GPHN: variants seen among roughly 807,000 people sequenced by gnomAD.
GPHN encodes gephyrin.
A neutral mutation model predicts 95.5 loss-of-function variants in GPHN; 17 were observed. The ratio of observed to expected loss-of-function variants is 0.18; its 90% CI spans 0.12 to 0.27. The LOEUF (loss-of-function observed/expected upper bound fraction) is 0.27, where lower values mean the gene tolerates loss of function less well. Ranked by LOEUF, GPHN falls within the 10% of genes least tolerant of loss-of-function variation. GPHN has a pLI of 1.00. For synonymous variants in GPHN, 320 were observed against 322.5 expected (o/e 0.99, Z 0.08); for missense variants, 660 against 978.1 (o/e 0.67, Z 4.34).
At chr14:67,110,353 T>C (rs1470590677) in intron 14 of GPHN, 94 bp downstream of exon 14, 1 of 1,393,486 alleles carries the variant, frequency 7.2e-7, no homozygotes, top group Non-Finnish European at 1.0e-6. Context: ...AACCCAGTTT[T>C]TTGGGTTGTT....
At chr14:66,944,187 G>A (rs776063159) in intron 8 of GPHN, among the ~76,000 whole-genome samples, 16 of 152,138 alleles carry the variant, frequency 1.1e-4, no homozygotes, top group Non-Finnish European at 1.6e-4. Flanking sequence ...CGACTTTAGC[G>A]ATGCCAAGTG....
intron 1 of GPHN, among the ~76,000 whole-genome samples, chr14:66,667,726 C>G (rs1262556603): frequency 7.9e-6 from 1 of 127,072 alleles, no homozygotes; most frequent in Non-Finnish European, 1.5e-5. Context: ...CAACTACATT[C>G]AGGACATTAG....
intron 1 of GPHN, among the ~76,000 whole-genome samples, chr14:66,608,127 C>T (rs1282503254): frequency 2.7e-5 from 4 of 150,572 alleles, no homozygotes; most frequent in South Asian, 4.2e-4. Flanking sequence ...CATTTGGCAC[C>T]GTAAACTTTC....
At chr14:67,649,234 T>A in the GPHN span, 1 of 152,118 alleles carries the variant, frequency 6.6e-6, no homozygotes, top group Non-Finnish European at 1.5e-5. Context: ...CAAAAGACAC[T>A]CATGGGGCTA....
chr14:67,348,837 G>A, the GPHN span: 2 of 537,504 alleles, frequency 3.7e-6, no homozygotes, highest in Middle Eastern at 4.9e-4. Context: ...GCCTTCTTAA[G>A]TGTTCACTTC....
At chr14:66,817,980 A>G (rs1007424645) in intron 3 of GPHN, among the ~76,000 whole-genome samples, 12 of 152,206 alleles carry the variant, frequency 7.9e-5, no homozygotes, top group Non-Finnish European at 1.8e-4. Context: ...CTGTATGACC[A>G]TATTTAATTT....
the GPHN span, among the ~76,000 whole-genome samples, chr14:67,482,940 A>T: frequency 1.9e-4 from 29 of 152,306 alleles, no homozygotes; most frequent in Non-Finnish European, 4.0e-4. Flanking sequence ...TCCATGTATT[A>T]ACTCAAAAAA....
At chr14:67,165,852 G>C (rs1371028403) in intron 20 of GPHN, among the ~76,000 whole-genome samples, 3 of 152,052 alleles carry the variant, frequency 2.0e-5, no homozygotes, top group African/African-American at 4.8e-5. Context: ...AGCAAAGCAG[G>C]TTCAGTTCAC....
intron 2 of GPHN, among the ~76,000 whole-genome samples, chr14:66,736,402 C>T (rs868170323): frequency 0.014 from 1,807 of 128,790 alleles, 15 homozygotes; most frequent in Middle Eastern, 0.023. Flanking sequence ...TTTTTTTTTT[C>T]TTTTTTTTTT....
At chr14:67,348,666 C>T in the GPHN span, among the ~76,000 whole-genome samples, 139 of 151,182 alleles carry the variant, frequency 9.2e-4, no homozygotes, top group Middle Eastern at 0.01. Flanking sequence ...GGGCTACAGG[C>T]GCGTGCCACC....
At chr14:67,728,579 T>C in the GPHN span, among the ~76,000 whole-genome samples, 1 of 152,076 alleles carries the variant, frequency 6.6e-6, no homozygotes, top group Non-Finnish European at 1.5e-5. Flanking sequence ...ATGGGTATCA[T>C]AACATAATAT....
At chr14:66,872,621 A>G (rs1243280630) in intron 4 of GPHN, among the ~76,000 whole-genome samples, 1 of 152,150 alleles carries the variant, frequency 6.6e-6, no homozygotes. Context: ...TCCTCCAGGC[A>G]TGGTGGCTTA....
At chr14:67,714,688 C>A in the GPHN span, 1 of 153,598 alleles carries the variant, frequency 6.5e-6, no homozygotes, top group South Asian at 2.0e-4. Flanking sequence ...GGGAACTGTT[C>A]AAAAATGCCC....
chr14:66,560,664 A>T (rs2140271623), intron 1 of GPHN, among the ~76,000 whole-genome samples: 1 of 152,322 alleles, frequency 6.6e-6, no homozygotes, highest in South Asian at 2.1e-4. Flanking sequence ...GGTTTTCTAG[A>T]TATGCGATCA....
the GPHN span, among the ~76,000 whole-genome samples, chr14:67,371,840 A>G: frequency 1.3e-5 from 2 of 152,250 alleles, no homozygotes; most frequent in Non-Finnish European, 2.9e-5. Flanking sequence ...TAAAAAAGCA[A>G]ATTACTGACC....
chr14:67,312,870 T>C, the GPHN span, among the ~76,000 whole-genome samples: 2 of 152,208 alleles, frequency 1.3e-5, no homozygotes, highest in Non-Finnish European at 2.9e-5. Context: ...AGCGTAAGTA[T>C]ATTAAATAGA....
the GPHN span, chr14:67,353,857 T>C: frequency 6.6e-6 from 1 of 152,088 alleles, no homozygotes; most frequent in African/African-American, 2.4e-5. Context: ...GGTATGATCA[T>C]AGCTTGCTGC....
chr14:67,321,356 C>T, the GPHN span: 3 of 1,112,890 alleles, frequency 2.7e-6, no homozygotes, highest in South Asian at 1.4e-5. Context: ...ACAGCGCGAC[C>T]TAATTAAGTT....
chr14:67,172,279 C>T (rs562902345), intron 21 of GPHN, among the ~76,000 whole-genome samples: 1 of 152,272 alleles, frequency 6.6e-6, no homozygotes, highest in South Asian at 2.1e-4. Context: ...TCAGCCAGAG[C>T]TAAAGCCATA....
Sources: gnomAD v4.1 joint callset for allele counts (sites outside exome capture counted in the v4.1 genomes callset) on GRCh38, gnomAD v4.1.1 for gene constraint, MANE v1.5 for transcripts, NCBI Gene and HGNC (gene_info 2026-07-23, HGNC 2026-07-21) for gene names.